RBPJ: variants seen among roughly 807,000 people sequenced by gnomAD.
RBPJ encodes the protein recombining binding protein suppressor of hairless.
RBPJ carries 9 observed loss-of-function variants against 67.8 expected under a neutral mutation model. The ratio of observed to expected loss-of-function variants is 0.13; its 90% CI spans 0.08 to 0.23. The LOEUF (loss-of-function observed/expected upper bound fraction) is 0.23, where lower values mean the gene tolerates loss of function less well. RBPJ is among the 10% of genes least tolerant of loss of function. RBPJ has a pLI of 1.00. For synonymous variants in RBPJ, 198 were observed against 203.3 expected (o/e 0.97, Z 0.22); for missense variants, 305 against 595.6 (o/e 0.51, Z 5.08).
intron 1 of RBPJ, among the ~76,000 whole-genome samples, chr4:26,312,260 T>G (rs921864528): frequency 6.6e-6 from 1 of 152,102 alleles, no homozygotes; most frequent in African/African-American, 2.4e-5. Context: ...GCCTCCTGAG[T>G]AGCTGGGACT....
chr4:26,113,373 A>T, the RBPJ span: 14 of 543,048 alleles, frequency 2.6e-5, 1 homozygote, highest in Non-Finnish European at 4.0e-5. Flanking sequence ...AACTTCACTC[A>T]GCTTCAGAGA....
At chr4:26,406,622 C>G (rs767228239) in intron 3 of RBPJ, among the ~76,000 whole-genome samples, 3 of 152,206 alleles carry the variant, frequency 2.0e-5, no homozygotes, top group Admixed American at 6.5e-5. Flanking sequence ...TTGGGTCATC[C>G]TTACTGCTGT....
At chr4:26,244,978 T>C (rs73114511) in intron 1 of RBPJ, among the ~76,000 whole-genome samples, 25,738 of 150,858 alleles carry the variant, frequency 0.17, 2,518 homozygotes, top group Non-Finnish European at 0.22. Context: ...TGTTATTTAA[T>C]ATTAATATTT....
At chr4:26,215,278 G>GTAA (rs1302591746) in intron 1 of RBPJ, among the ~76,000 whole-genome samples, 1 of 64,048 alleles carries the variant, frequency 1.6e-5, no homozygotes, top group Non-Finnish European at 2.7e-5. Flanking sequence ...GGAGGAAAAA[G>GTAA]AGAGAGAAAG....
At position 26,292,780 on chromosome 4, in the gene RBPJ, T is replaced by C. The variant is rs538379415; in HGVS notation, c.-166-69666T>C. ...GTATTAAAAAACTGTGGTGTGTGTG[T>C]ATGTGTGAGGTATATACATATATAT... On this transcript the variant is annotated intron_variant, in intron 1 of 4. Coordinates refer to the RBPJ transcript ENST00000512351. Among the ~76,000 whole-genome samples, 3 of 150,430 alleles carry C rather than the reference T, an allele frequency of 2.0e-5. No individual in the cohort carries two copies. In the South Asian group the frequency reaches 6.3e-4, roughly 32 times the overall value.
chr4:26,111,851 C>T, the RBPJ span: 1 of 180,098 alleles, frequency 5.6e-6, no homozygotes, highest in Non-Finnish European at 1.2e-5. Flanking sequence ...TCTCTCTCCT[C>T]CACTACACAG....
At chr4:26,149,998 A>G in the RBPJ span, among the ~76,000 whole-genome samples, 1 of 152,162 alleles carries the variant, frequency 6.6e-6, no homozygotes, top group Non-Finnish European at 1.5e-5. Context: ...ACTCCTGCAC[A>G]CTGTAACATT....
chr4:26,327,110 C>T (rs895037924), intron 1 of RBPJ, among the ~76,000 whole-genome samples: 2 of 152,130 alleles, frequency 1.3e-5, no homozygotes, highest in Non-Finnish European at 2.9e-5. Flanking sequence ...GCCCACAGTT[C>T]TGTATGCCTC....
At chr4:26,215,248 TAAGA>T (rs1332127702) in intron 1 of RBPJ, among the ~76,000 whole-genome samples, 1 of 7,596 alleles carries the variant, frequency 1.3e-4, no homozygotes, top group African/African-American at 1.0e-3. Context: ...AGAAAGAAAG[TAAGA>T]AAGAAAGGAA....
intron 3 of RBPJ, among the ~76,000 whole-genome samples, chr4:26,410,883 A>G (rs906452987): frequency 6.6e-6 from 1 of 152,250 alleles, no homozygotes; most frequent in Admixed American, 6.5e-5. Flanking sequence ...AAATGTGTGC[A>G]TATCGCCACC....
At chr4:26,144,762 C>T in the RBPJ span, among the ~76,000 whole-genome samples, 1 of 152,166 alleles carries the variant, frequency 6.6e-6, no homozygotes, top group Non-Finnish European at 1.5e-5. Context: ...TTGATCTAGT[C>T]CCACATGCAA....
At position 26,329,831 on chromosome 4, in the gene RBPJ, G is replaced by A. The variant is rs185972582; in HGVS notation, c.20+8783G>A. ...ATGGCATGAACCCGGGAGGCGGAGC[G>A]TGCAGTGAGCCGAGATCACGCCACT... On this transcript the variant is annotated intron_variant, in intron 1 of 10. Transcript: ENST00000355476. 7.2e-3 allele frequency among the ~76,000 whole-genome samples: 1,094 copies of A among 151,652 alleles called. 28 individuals are homozygous for A. Among genetic ancestry groups the A allele is most frequent in the Admixed American group, 0.052 (791 of 15,228 alleles).
At chr4:26,397,716 C>T (rs1303792115) in intron 2 of RBPJ, among the ~76,000 whole-genome samples, 1 of 152,132 alleles carries the variant, frequency 6.6e-6, no homozygotes, top group Non-Finnish European at 1.5e-5. Context: ...TCACTGCAAC[C>T]TCCACCTCCC....
Position 26,244,450 on chromosome 4 carries a change from CAT to C in RBPJ, c.-167+80841_-167+80842del, listed in dbSNP as rs376933300. On this transcript the variant is annotated intron_variant, in intron 1 of 4. Transcript: ENST00000512351. Reference sequence around the variant, plus strand: ...ATATATGTATACATATGTGTGTATACATATATGTGTGTATATATGTATACATA... The same window carrying C: ...ATATATGTATACATATGTGTGTATACATATGTGTGTATATATGTATACATA... Among the ~76,000 whole-genome samples, 24 of 29,552 alleles carry C rather than the reference CAT, an allele frequency of 8.1e-4. 1 individual carries two copies. Among genetic ancestry groups the C allele is most frequent in the South Asian group, 2.3e-3 (2 of 862 alleles). The allele number at this position is 29,552 out of a possible 152,430, so 19.4% of individuals were successfully genotyped here.
rs752778170 is a variant in RBPJ, at chr4:26,293,573, C to T, written c.-166-68873C>T. Among the ~76,000 whole-genome samples, 4 of 150,274 alleles carry T rather than the reference C, an allele frequency of 2.7e-5. 1 individual carries two copies. Among genetic ancestry groups the T allele is most frequent in the Non-Finnish European group, 5.9e-5 (4 of 67,476 alleles). On this transcript the variant is annotated intron_variant, in intron 1 of 4. Coordinates refer to the RBPJ transcript ENST00000512351. The stretch of plus-strand genomic sequence containing the variant: ...TTTGCTTGAACCCAGGAGTTCGGGG[C>T]TGCACTGAGCTGTGATTGTGCCATA...
At chr4:26,300,578 T>C (rs966888210) in intron 1 of RBPJ, among the ~76,000 whole-genome samples, 4 of 152,246 alleles carry the variant, frequency 2.6e-5, no homozygotes, top group African/African-American at 9.6e-5. Flanking sequence ...CTGACCTGAA[T>C]AGAAGTCCGC....
At chr4:26,348,447 G>T (rs965233509) in intron 1 of RBPJ, among the ~76,000 whole-genome samples, 2 of 152,142 alleles carry the variant, frequency 1.3e-5, no homozygotes, top group African/African-American at 4.8e-5. Flanking sequence ...TATACTGTAA[G>T]AGCTATGTGG....
chr4:26,147,186 A>G, the RBPJ span, among the ~76,000 whole-genome samples: 1 of 152,240 alleles, frequency 6.6e-6, no homozygotes, highest in African/African-American at 2.4e-5. Flanking sequence ...TGCAAACAGT[A>G]AAGCTGACTC....
chr4:26,161,285 A>C (rs1405022438), upstream of RBPJ, among the ~76,000 whole-genome samples: 2 of 152,252 alleles, frequency 1.3e-5, no homozygotes, highest in African/African-American at 4.8e-5. Flanking sequence ...TACATCAGGC[A>C]GCCCCAGCCA....
Sources: allele counts gnomAD v4.1 joint callset (sites outside exome capture counted in the v4.1 genomes callset), GRCh38; gene constraint gnomAD v4.1.1; transcripts MANE v1.5; gene names NCBI Gene and HGNC (gene_info 2026-07-23, HGNC 2026-07-21).